SUSD1: variants seen among roughly 807,000 people sequenced by gnomAD.
The protein encoded by SUSD1 is sushi domain-containing protein 1.
Under a neutral mutation model 86.9 loss-of-function variants are expected in SUSD1, and 65 were observed. That is an observed-to-expected ratio of 0.75 (90% CI 0.61 to 0.92). SUSD1 has a LOEUF of 0.92. SUSD1 is among the 40% of genes least tolerant of loss of function. SUSD1 has a pLI of 0.00. For synonymous variants in SUSD1, 346 were observed against 350.0 expected (o/e 0.99, Z 0.13); for missense variants, 850 against 929.7 (o/e 0.91, Z 1.11).
Position 112,161,799 on chromosome 9 carries a change from G to A in SUSD1, c.104-4186C>T, listed in dbSNP as rs536121844. Among the ~76,000 whole-genome samples the A allele has an allele frequency of 4.1e-5, 6 of 147,266 alleles. No individual in the cohort carries two copies. In the East Asian group the frequency reaches 7.9e-4, roughly 19 times the overall value. On this transcript the variant is annotated intron_variant, in intron 1 of 16. Transcript: ENST00000374270. The stretch of plus-strand genomic sequence containing the variant: ...ATTGTGCCACTGCACTCCAGCCTGC[G>A]TGACAGAGCAAGACTCCATCCAAAA...
At chr9:112,042,389 A>C (rs1360236752) in intron 15 of SUSD1, among the ~76,000 whole-genome samples, 1 of 152,220 alleles carries the variant, frequency 6.6e-6, no homozygotes, top group Non-Finnish European at 1.5e-5. Context: ...CCTGATGGTC[A>C]GATAGAGCAA....
chr9:112,106,052 C>T (rs532704040), intron 8 of SUSD1, among the ~76,000 whole-genome samples: 8 of 152,042 alleles, frequency 5.3e-5, no homozygotes, highest in African/African-American at 1.7e-4. Flanking sequence ...TGCAGTGGTG[C>T]GATCTTGGCT....
intron 12 of SUSD1, among the ~76,000 whole-genome samples, chr9:112,071,814 A>T (rs1829281670): frequency 6.6e-6 from 1 of 152,220 alleles, no homozygotes; most frequent in South Asian, 2.1e-4. Context: ...GTAGAAAAAT[A>T]AACACAGCAT....
In SUSD1 at chr9:112,163,877, T is replaced by C. The variant is rs548407569; in HGVS notation, c.104-6264A>G. On this transcript the variant is annotated intron_variant, in intron 1 of 16. Transcript: ENST00000374270. ...TTAGCTAGGCATGGTGGTGGACACC[T>C]GTAATCCCAGCTACTCAGGTGGCTG... Among the ~76,000 whole-genome samples the C allele has an allele frequency of 3.9e-5, 6 of 152,114 alleles. No individual in the cohort carries two copies. In the East Asian group the frequency reaches 1.2e-3, roughly 29 times the overall value.
chr9:112,096,962 T>A (rs1390042461), intron 10 of SUSD1, among the ~76,000 whole-genome samples: 1 of 152,118 alleles, frequency 6.6e-6, no homozygotes, highest in Non-Finnish European at 1.5e-5. Flanking sequence ...TGTCATGAGG[T>A]GCTCCTTGTG....
chr9:112,091,559 A>G (rs1321264397), intron 10 of SUSD1, among the ~76,000 whole-genome samples: 3 of 152,222 alleles, frequency 2.0e-5, no homozygotes, highest in Non-Finnish European at 2.9e-5. Context: ...AGAACTGAAT[A>G]AAAACATTCT....
At chr9:112,162,281 C>G (rs778954185) in intron 1 of SUSD1, among the ~76,000 whole-genome samples, 8 of 152,036 alleles carry the variant, frequency 5.3e-5, no homozygotes, top group African/African-American at 1.7e-4. Flanking sequence ...ATAATTAAAG[C>G]CTTGATGGCA....
chr9:112,110,897 TC>T (rs1831066662), intron 8 of SUSD1, among the ~76,000 whole-genome samples: 1 of 152,020 alleles, frequency 6.6e-6, no homozygotes, highest in Non-Finnish European at 1.5e-5. Flanking sequence ...TGCTTCCACT[TC>T]CCCACTCTCA....
rs962944826 is a variant in SUSD1 at position 112,112,918 on chromosome 9, G to A, written c.887-50C>T. 6 of 1,161,604 alleles carry A rather than the reference G, an allele frequency of 5.2e-6. No homozygotes were observed. In the African/African-American group the frequency reaches 9.1e-5, roughly 18 times the overall value. The allele number at this position is 1,161,604 out of a possible 1,614,324, so 72.0% of individuals were successfully genotyped here. On this transcript the variant is annotated intron_variant, in intron 6 of 16. Coordinates refer to ENST00000374270, the MANE Select transcript of SUSD1 (RefSeq NM_022486.5). ...TCACAAAATGCATCAATGGGCTTTA[G>A]CAAAATTCTAAAGGAGATCAGTCTC...
chr9:112,127,230 G>C (rs1335908833), intron 5 of SUSD1, among the ~76,000 whole-genome samples: 1 of 152,050 alleles, frequency 6.6e-6, no homozygotes, highest in Non-Finnish European at 1.5e-5. Flanking sequence ...AAATTACCCG[G>C]GCGTGGTGGC....
At chr9:112,165,090 T>C (rs932718153) in intron 1 of SUSD1, among the ~76,000 whole-genome samples, 1 of 152,244 alleles carries the variant, frequency 6.6e-6, no homozygotes, top group African/African-American at 2.4e-5. Context: ...ACATTTTGAG[T>C]AGCAGAGGAT....
chr9:112,111,810 T>C lies in SUSD1; in HGVS notation c.1015A>G (p.Met339Val), dbSNP rs1831112209. 1.2e-6 allele frequency: 2 copies of C among 1,614,116 alleles called. No individual in the cohort carries two copies. Among genetic ancestry groups the C allele is most frequent in the Non-Finnish European group, 1.7e-6 (2 of 1,179,990 alleles). ...ACTGTCTCCTCACGAACTGATTCCA[T>C]AGGGTCCAACCGTTGTCCTTTTATG... ...ISIKGQRLDPMESVREETVNL... is the reference protein window; with the variant it reads ...ISIKGQRLDPVESVREETVNL... Residue 339 changes from methionine to valine, a missense_variant, in exon 8 of 17, where the codon ATG becomes GTG. By Grantham distance (21) the Met-to-Val change is conservative. Transcript: ENST00000374270.
chr9:112,167,027 C>T (rs1279288915), intron 1 of SUSD1, among the ~76,000 whole-genome samples: 1 of 152,144 alleles, frequency 6.6e-6, no homozygotes, highest in East Asian at 1.9e-4. Context: ...GAGGGTGAGA[C>T]AGGTTTTGGT....
chr9:112,148,903 C>A (rs570595875), intron 3 of SUSD1, among the ~76,000 whole-genome samples: 85 of 136,658 alleles, frequency 6.2e-4, no homozygotes, highest in Middle Eastern at 7.7e-3. Flanking sequence ...GAGACCCCCC[C>A]CTTAAAAAAA....
chr9:112,155,324 T>C (rs1195195166), intron 2 of SUSD1, among the ~76,000 whole-genome samples: 1 of 151,870 alleles, frequency 6.6e-6, no homozygotes, highest in African/African-American at 2.4e-5. Flanking sequence ...ACAGAAAAAT[T>C]TATCCATTCT....
chr9:112,141,927 AAT>A (rs34839248), intron 5 of SUSD1, among the ~76,000 whole-genome samples: 41,071 of 143,020 alleles, frequency 0.29, 7,208 homozygotes, highest in African/African-American at 0.5. Context: ...GACTTCTGGG[AAT>A]ATATATATAT....
At chr9:112,162,675 A>G (rs1321592156) in intron 1 of SUSD1, among the ~76,000 whole-genome samples, 1 of 152,226 alleles carries the variant, frequency 6.6e-6, no homozygotes, top group Non-Finnish European at 1.5e-5. Context: ...AAGCCTTGAG[A>G]GGAATGTGGC....
chr9:112,097,635 G>T (rs1031918493), intron 10 of SUSD1, among the ~76,000 whole-genome samples: 18 of 151,920 alleles, frequency 1.2e-4, no homozygotes, highest in African/African-American at 4.4e-4. Context: ...CTGACCTCAG[G>T]TGATCTGCCA....
At position 112,142,418 on chromosome 9, in the gene SUSD1, C is replaced by T. The variant is rs536317483; in HGVS notation, c.608G>A (p.Arg203His). 29 of 1,614,060 alleles carry T rather than the reference C, an allele frequency of 1.8e-5. No homozygotes were observed. Among genetic ancestry groups the T allele is most frequent in the East Asian group, 4.5e-5 (2 of 44,882 alleles). ...NYTSSLGSQVRYACREGFFSV... is the reference protein window; with the variant it reads ...NYTSSLGSQVHYACREGFFSV... ...GAAGAATCCTTCTCTGCAAGCATAA[C>T]GAACCTGGCTGCCCAGACTAGACGT... Residue 203 changes from arginine (R) to histidine (H), a missense_variant, in exon 5 of 17, where the codon CGT becomes CAT. Transcript: ENST00000374270.
Sources: gnomAD v4.1 joint callset for allele counts (sites outside exome capture counted in the v4.1 genomes callset) on GRCh38, gnomAD v4.1.1 for gene constraint, MANE v1.5 for transcripts, NCBI Gene and HGNC (gene_info 2026-07-23, HGNC 2026-07-21) for gene names.